The following KATNAL2 variants were observed in gnomAD, a reference collection of about 807,000 sequenced individuals.
The protein encoded by KATNAL2 is katanin p60 ATPase-containing subunit A-like 2.
KATNAL2 carries 52 observed loss-of-function variants against 76.3 expected under a neutral mutation model. That is an observed-to-expected ratio of 0.68 (90% CI 0.55 to 0.86). The LOEUF is 0.86. KATNAL2 is among the 40% of genes least tolerant of loss of function. KATNAL2 has a pLI of 0.00. For synonymous variants in KATNAL2, 243 were observed against 244.2 expected (o/e 1.00, Z 0.05); for missense variants, 660 against 668.9 (o/e 0.99, Z 0.15).
intron 3 of KATNAL2, chr18:47,034,629 C>A (rs2146961360): frequency 6.2e-7 from 1 of 1,614,050 alleles, no homozygotes; most frequent in East Asian, 2.2e-5. Context: ...GGGGTTGGCC[C>A]TGGCAGCCTG....
chr18:46,939,406 G>T (rs749908304), intron 1 of KATNAL2, among the ~76,000 whole-genome samples: 46 of 152,124 alleles, frequency 3.0e-4, no homozygotes, highest in Middle Eastern at 6.9e-3. Context: ...TGTCATCTCA[G>T]TGGTAAAATA....
intron 15 of KATNAL2, among the ~76,000 whole-genome samples, chr18:47,095,898 T>C (rs1025525910): frequency 2.0e-5 from 3 of 152,164 alleles, no homozygotes; most frequent in Admixed American, 6.5e-5. Context: ...GTGAAGCGTG[T>C]TTTTTTCTTC....
At chr18:46,958,614 G>A (rs905600400) in intron 3 of KATNAL2, among the ~76,000 whole-genome samples, 1 of 152,172 alleles carries the variant, frequency 6.6e-6, no homozygotes, top group Admixed American at 6.5e-5. Flanking sequence ...ATATGAAATA[G>A]AGATTTTTCT....
chr18:46,953,433 G>C (rs1039750406), intron 3 of KATNAL2, among the ~76,000 whole-genome samples: 1 of 152,144 alleles, frequency 6.6e-6, no homozygotes, highest in Non-Finnish European at 1.5e-5. Context: ...TGAGGCCAGA[G>C]GTCGAGACCA....
chr18:47,037,853 T>TA (rs1334235496), intron 3 of KATNAL2, among the ~76,000 whole-genome samples: 3 of 151,770 alleles, frequency 2.0e-5, no homozygotes, highest in Non-Finnish European at 2.9e-5. Flanking sequence ...GAAAGCCATT[T>TA]TTTTTTTTTT....
At chr18:47,073,125 G>A (rs760464229) in intron 13 of KATNAL2, among the ~76,000 whole-genome samples, 1 of 152,192 alleles carries the variant, frequency 6.6e-6, no homozygotes, top group African/African-American at 2.4e-5. Flanking sequence ...TCCCATCAAT[G>A]GTTCATGAGT....
At chr18:46,924,426 T>C (rs1376867550) in intron 1 of KATNAL2, among the ~76,000 whole-genome samples, 1 of 152,180 alleles carries the variant, frequency 6.6e-6, no homozygotes, top group East Asian at 1.9e-4. Context: ...TTCTGTTACA[T>C]TGGTCTATAT....
chr18:47,037,835 C>T (rs2060831160), intron 3 of KATNAL2, among the ~76,000 whole-genome samples: 1 of 147,390 alleles, frequency 6.8e-6, no homozygotes, highest in Non-Finnish European at 1.5e-5. Context: ...TCACAGTCCA[C>T]ATAGTAGGAA....
At chr18:46,920,165 G>T in intron 1 of KATNAL2, 2 of 929,290 alleles carry the variant, frequency 2.2e-6, no homozygotes, top group East Asian at 6.1e-5. Context: ...AGTTCTAGGT[G>T]CTGCCCTAGA....
At chr18:47,079,977 C>T (rs1194746613) in intron 15 of KATNAL2, among the ~76,000 whole-genome samples, 1 of 152,120 alleles carries the variant, frequency 6.6e-6, no homozygotes, top group East Asian at 1.9e-4. Context: ...GCCTGTACAG[C>T]TCCCATCAAT....
intron 4 of KATNAL2, among the ~76,000 whole-genome samples, chr18:47,046,783 A>G (rs2061171314): frequency 6.6e-6 from 1 of 152,152 alleles, no homozygotes. Flanking sequence ...CATAGTTTAC[A>G]TTAGGGTATA....
chr18:47,034,832 T>A lies in KATNAL2; in HGVS notation c.52-11625T>A, dbSNP rs746052147. The stretch of plus-strand genomic sequence containing the variant: ...GCTCTGGGCTCGCGACTGTGAGACC[T>A]CGGGTGAGGTCTCTGTTGCCCCGGA... On this transcript the variant is annotated intron_variant, in intron 3 of 17. Coordinates refer to ENST00000683218, the MANE Select transcript of KATNAL2 (RefSeq NM_001387690.1). 1.9e-6 allele frequency: 3 copies of A among 1,612,080 alleles called. No homozygotes were observed. The South Asian group carries it at 3.3e-5, about 18-fold the overall frequency.
intron 3 of KATNAL2, chr18:47,033,251 T>C (rs2060572163): frequency 1.2e-6 from 2 of 1,613,630 alleles, no homozygotes; most frequent in Non-Finnish European, 1.7e-6. Flanking sequence ...GCTGGCTTGA[T>C]CTCCCCATTT....
intron 15 of KATNAL2, among the ~76,000 whole-genome samples, chr18:47,086,722 A>G (rs2062790569): frequency 6.6e-6 from 1 of 152,256 alleles, no homozygotes; most frequent in South Asian, 2.1e-4. Flanking sequence ...TATCAAGCCC[A>G]TGATCTTCCA....
intron 15 of KATNAL2, among the ~76,000 whole-genome samples, chr18:47,081,152 C>T (rs188535320): frequency 3.8e-4 from 57 of 151,964 alleles, no homozygotes; most frequent in Admixed American, 3.0e-3. Context: ...TCCTTCCTTT[C>T]TGAACTTTTT....
At chr18:47,059,772 T>G (rs1343442976) in intron 8 of KATNAL2, 118 bp downstream of exon 8, 2 of 743,010 alleles carry the variant, frequency 2.7e-6, no homozygotes, top group Non-Finnish European at 4.5e-6. Flanking sequence ...TTTTGAAGGT[T>G]GGCTGTGAGG....
chr18:46,949,511 T>TC (rs2059486477), intron 3 of KATNAL2, among the ~76,000 whole-genome samples: 1 of 152,204 alleles, frequency 6.6e-6, no homozygotes, highest in Non-Finnish European at 1.5e-5. Context: ...CCTCCCAAAG[T>TC]CCTCGGATTA....
chr18:46,931,134 AATAAT>A lies in KATNAL2; in HGVS notation c.-510+13210_-510+13214del, dbSNP rs1487040098. ...TAATAATAATAATAATAATAATAAT[AATAAT>A]AAATAAATAAATTAGCCAGGCGTGG... On this transcript the variant is annotated intron_variant, in intron 1 of 17. Coordinates refer to ENST00000683218, the MANE Select transcript of KATNAL2 (RefSeq NM_001387690.1). 1.4e-4 allele frequency among the ~76,000 whole-genome samples: 20 copies of A among 138,882 alleles called. 1 individual carries two copies. The highest frequency in any genetic ancestry group is 4.1e-4 in the East Asian group (2 of 4,910). 91.1% of individuals were successfully genotyped at this position (138,882 alleles called of 152,430 possible).
chr18:47,085,980 C>T (rs910785319), intron 15 of KATNAL2, among the ~76,000 whole-genome samples: 1 of 151,850 alleles, frequency 6.6e-6, no homozygotes, highest in Non-Finnish European at 1.5e-5. Context: ...ATAGTCCCAG[C>T]CACTCAAGAG....
Sources: gnomAD v4.1 joint callset for allele counts (sites outside exome capture counted in the v4.1 genomes callset) on GRCh38, gnomAD v4.1.1 for gene constraint, MANE v1.5 for transcripts, NCBI Gene and HGNC (gene_info 2026-07-23, HGNC 2026-07-21) for gene names.